The following CNTNAP5 variants were observed in gnomAD, a reference collection of about 807,000 sequenced individuals.
CNTNAP5 encodes contactin associated protein family member 5.
Under a neutral mutation model 150.2 loss-of-function variants are expected in CNTNAP5, and 72 were observed. That is an observed-to-expected ratio of 0.48 (90% confidence interval 0.40 to 0.58). CNTNAP5 has a LOEUF of 0.58. Among genes scored for constraint, CNTNAP5 ranks in the 20% least tolerant of loss-of-function variants. The pLI is 0.00. For synonymous variants in CNTNAP5, 672 were observed against 619.8 expected (o/e 1.08, Z -1.25); for missense variants, 1,636 against 1,626.2 (o/e 1.01, Z -0.10).
intron 13 of CNTNAP5, among the ~76,000 whole-genome samples, chr2:124,679,313 A>G (rs994589856): frequency 2.0e-5 from 3 of 151,912 alleles, no homozygotes; most frequent in African/African-American, 7.2e-5. Context: ...TTCTTTATTA[A>G]TAGGAGGATC....
intron 6 of CNTNAP5, among the ~76,000 whole-genome samples, chr2:124,454,331 C>T (rs1008944848): frequency 6.6e-6 from 1 of 152,104 alleles, no homozygotes; most frequent in African/African-American, 2.4e-5. Flanking sequence ...GATAAAAGGC[C>T]TTGTCCAACA....
intron 19 of CNTNAP5, among the ~76,000 whole-genome samples, chr2:124,848,828 T>G (rs1368744114): frequency 6.6e-6 from 1 of 152,212 alleles, no homozygotes; most frequent in Non-Finnish European, 1.5e-5. Context: ...GAACTTTTGC[T>G]CACTTTTGTC....
chr2:124,642,903 C>G (rs59554866), intron 12 of CNTNAP5, among the ~76,000 whole-genome samples: 27 of 152,282 alleles, frequency 1.8e-4, no homozygotes, highest in African/African-American at 5.5e-4. Flanking sequence ...TTGGGAAATA[C>G]TTTACTGGTT....
At chr2:124,731,211 A>G (rs1181612757) in intron 13 of CNTNAP5, among the ~76,000 whole-genome samples, 3 of 152,104 alleles carry the variant, frequency 2.0e-5, no homozygotes, top group East Asian at 1.9e-4. Flanking sequence ...TAGCATTGTG[A>G]AAAGCAAACT....
At chr2:124,245,310 G>A (rs903276838) in intron 3 of CNTNAP5, among the ~76,000 whole-genome samples, 8 of 152,064 alleles carry the variant, frequency 5.3e-5, no homozygotes, top group African/African-American at 1.7e-4. Flanking sequence ...ATATTTATTG[G>A]TGATTTCATC....
chr2:124,025,745 A>T lies in CNTNAP5; in HGVS notation c.82+13A>T. 1 of 1,602,890 alleles carries T rather than the reference A, an allele frequency of 6.2e-7. No homozygotes were observed. Among genetic ancestry groups the T allele is most frequent in the African/African-American group, 1.3e-5 (1 of 74,630 alleles). ...ACAGCGACAAACTGTGAGTACGAGG[A>T]GCTGGGGGCGGGAAGGTGAGGTGGA... On this transcript the variant is annotated intron_variant, in intron 1 of 23. Transcript: ENST00000682447.
chr2:124,350,582 C>G (rs1288030817), intron 3 of CNTNAP5, among the ~76,000 whole-genome samples: 3 of 151,514 alleles, frequency 2.0e-5, no homozygotes, highest in Non-Finnish European at 4.4e-5. Context: ...TAAAATCTAC[C>G]CCCGCAAAAG....
At chr2:124,434,068 C>A (rs565664148) in intron 4 of CNTNAP5, among the ~76,000 whole-genome samples, 1 of 152,260 alleles carries the variant, frequency 6.6e-6, no homozygotes, top group South Asian at 2.1e-4. Context: ...ATAATTATAT[C>A]TATTTTTCAT....
intron 5 of CNTNAP5, among the ~76,000 whole-genome samples, chr2:124,444,576 G>A (rs1163523360): frequency 6.6e-6 from 1 of 152,076 alleles, no homozygotes; most frequent in African/African-American, 2.4e-5. Context: ...TCCAGCCTGG[G>A]TGACACAGGT....
At chr2:124,765,877 A>T (rs1255603824) in intron 16 of CNTNAP5, among the ~76,000 whole-genome samples, 1 of 151,746 alleles carries the variant, frequency 6.6e-6, no homozygotes, top group Non-Finnish European at 1.5e-5. Flanking sequence ...AATCTCTTGA[A>T]CCCCACTGGC....
chr2:124,117,835 G>C (rs373593737), intron 1 of CNTNAP5, among the ~76,000 whole-genome samples: 1 of 152,102 alleles, frequency 6.6e-6, no homozygotes, highest in East Asian at 1.9e-4. Context: ...CAGAGTTTCT[G>C]ATTTAGTCAG....
intron 13 of CNTNAP5, among the ~76,000 whole-genome samples, chr2:124,657,743 A>G (rs935287171): frequency 2.0e-5 from 3 of 151,866 alleles, no homozygotes; most frequent in African/African-American, 7.3e-5. Context: ...ACTTGGCCCC[A>G]CTTTGCTTTT....
chr2:124,421,430 C>T (rs1324796251), intron 4 of CNTNAP5, among the ~76,000 whole-genome samples: 2 of 152,188 alleles, frequency 1.3e-5, no homozygotes, highest in East Asian at 3.9e-4. Flanking sequence ...TCTTCCTTCT[C>T]TATAACTTCA....
intron 11 of CNTNAP5, among the ~76,000 whole-genome samples, chr2:124,594,339 TC>T (rs1055901880): frequency 1.2e-4 from 18 of 150,614 alleles, no homozygotes; most frequent in African/African-American, 3.9e-4. Flanking sequence ...GGATCCAGTT[TC>T]AGCTTTCTAC....
intron 16 of CNTNAP5, among the ~76,000 whole-genome samples, chr2:124,764,413 T>C (rs1162635160): frequency 6.6e-6 from 1 of 152,212 alleles, no homozygotes; most frequent in Non-Finnish European, 1.5e-5. Context: ...AGGTATTTCT[T>C]ACCTGTGACT....
chr2:124,883,910 ATG>A (rs1290954751), intron 21 of CNTNAP5, among the ~76,000 whole-genome samples: 8 of 152,132 alleles, frequency 5.3e-5, no homozygotes, highest in African/African-American at 1.2e-4. Flanking sequence ...GCACATGTAT[ATG>A]TGTGTGTGTA....
At chr2:124,580,269 CT>C (rs1696379511) in intron 11 of CNTNAP5, among the ~76,000 whole-genome samples, 1 of 152,240 alleles carries the variant, frequency 6.6e-6, no homozygotes, top group Non-Finnish European at 1.5e-5. Flanking sequence ...AAAGCTGCCT[CT>C]TTACATATTT....
chr2:124,852,339 G>A (rs1285090796), intron 19 of CNTNAP5, among the ~76,000 whole-genome samples: 2 of 152,074 alleles, frequency 1.3e-5, no homozygotes, highest in African/African-American at 2.4e-5. Context: ...GAATAAGGAG[G>A]GGCTTCCTGG....
intron 18 of CNTNAP5, among the ~76,000 whole-genome samples, chr2:124,791,965 T>C (rs1285291947): frequency 6.6e-6 from 1 of 152,142 alleles, no homozygotes; most frequent in Non-Finnish European, 1.5e-5. Flanking sequence ...TAAGATGGCC[T>C]TTTTAGTCAC....
Sources: gnomAD v4.1 joint callset for allele counts (sites outside exome capture counted in the v4.1 genomes callset) on GRCh38, gnomAD v4.1.1 for gene constraint, MANE v1.5 for transcripts, NCBI Gene and HGNC (gene_info 2026-07-23, HGNC 2026-07-21) for gene names.